SH3BGRL2: variants seen among roughly 807,000 people sequenced by gnomAD.
SH3BGRL2 encodes SH3 domain-binding glutamic acid-rich-like protein 2.
SH3BGRL2 carries 21 observed loss-of-function variants against 14.8 expected under a neutral mutation model. The ratio of observed to expected loss-of-function variants is 1.42; its 90% CI spans 1.01 to 2.05. SH3BGRL2 has a LOEUF of 2.05. SH3BGRL2 is among the 30% of genes most tolerant of loss of function. The pLI, the probability that SH3BGRL2 is intolerant of heterozygous loss-of-function variation, is 0.00. For missense variants in SH3BGRL2, 147 were observed against 130.8 expected (o/e 1.12, Z -0.61); for synonymous variants, 50 against 47.8 (o/e 1.05, Z -0.19).
At chr6:79,675,162 TAA>T (rs1769855573) in intron 2 of SH3BGRL2, among the ~76,000 whole-genome samples, 1 of 152,156 alleles carries the variant, frequency 6.6e-6, no homozygotes, top group African/African-American at 2.4e-5. Flanking sequence ...CTAGAAGGCT[TAA>T]AACAAAAATC....
chr6:79,662,867 A>G (rs1769581596), intron 1 of SH3BGRL2, among the ~76,000 whole-genome samples: 1 of 151,556 alleles, frequency 6.6e-6, no homozygotes, highest in African/African-American at 2.4e-5. Flanking sequence ...TTTTGTCTAA[A>G]CTTGTCTTCT....
At chr6:79,650,505 A>G (rs1769265620) in intron 1 of SH3BGRL2, among the ~76,000 whole-genome samples, 1 of 152,188 alleles carries the variant, frequency 6.6e-6, no homozygotes, top group Admixed American at 6.6e-5. Flanking sequence ...TTGTACAAGA[A>G]ACATGGCACC....
chr6:79,681,568 C>T (rs956789946), intron 2 of SH3BGRL2, among the ~76,000 whole-genome samples: 4 of 152,080 alleles, frequency 2.6e-5, no homozygotes, highest in East Asian at 3.9e-4. Flanking sequence ...GTCTCCTCTC[C>T]TCTTCATTCT....
the SH3BGRL2 span, among the ~76,000 whole-genome samples, chr6:79,616,926 GCCTGTA>G: frequency 3.9e-5 from 6 of 152,202 alleles, no homozygotes; most frequent in Non-Finnish European, 8.8e-5. Flanking sequence ...AGTGGCTCAT[GCCTGTA>G]ATCCCAGCAT....
chr6:79,538,591 CTG>C, the SH3BGRL2 span, among the ~76,000 whole-genome samples: 1 of 152,318 alleles, frequency 6.6e-6, no homozygotes, highest in South Asian at 2.1e-4. Context: ...TCTGCTGACA[CTG>C]TTAAAATAGC....
intron 2 of SH3BGRL2, among the ~76,000 whole-genome samples, chr6:79,674,088 A>G (rs200314403): frequency 1.4e-5 from 2 of 140,916 alleles, no homozygotes; most frequent in Non-Finnish European, 1.6e-5. Context: ...AGCTCTGTGT[A>G]TGTGTGTATG....
the SH3BGRL2 span, among the ~76,000 whole-genome samples, chr6:79,605,595 A>G: frequency 7.9e-5 from 12 of 152,206 alleles, no homozygotes; most frequent in African/African-American, 2.7e-4. Context: ...AATGAATTCA[A>G]TGAATGCCTA....
the SH3BGRL2 span, among the ~76,000 whole-genome samples, chr6:79,576,224 T>C: frequency 6.6e-6 from 1 of 152,188 alleles, no homozygotes; most frequent in South Asian, 2.1e-4. Flanking sequence ...CATCTCTTTG[T>C]TTAGGCATAA....
the SH3BGRL2 span, among the ~76,000 whole-genome samples, chr6:79,591,762 T>C: frequency 1.3e-5 from 2 of 152,194 alleles, no homozygotes; most frequent in Non-Finnish European, 2.9e-5. Context: ...AGATTTAATC[T>C]ATTTGAGCAG....
intron 1 of SH3BGRL2, among the ~76,000 whole-genome samples, chr6:79,667,196 T>G (rs1271734331): frequency 2.6e-5 from 4 of 152,228 alleles, no homozygotes; most frequent in Non-Finnish European, 5.9e-5. Context: ...TCACAAAGAA[T>G]TTATGTACAG....
the SH3BGRL2 span, among the ~76,000 whole-genome samples, chr6:79,580,818 A>G: frequency 6.6e-6 from 1 of 152,156 alleles, no homozygotes; most frequent in Non-Finnish European, 1.5e-5. Context: ...ACAGAGACAC[A>G]AAAAAACCTT....
intron 1 of SH3BGRL2, among the ~76,000 whole-genome samples, chr6:79,670,278 A>G (rs1437239873): frequency 6.6e-6 from 1 of 152,220 alleles, no homozygotes; most frequent in African/African-American, 2.4e-5. Flanking sequence ...GCCTTGGGCC[A>G]TATTTTGCCT....
At chr6:79,631,628 C>A in intron 1 of SH3BGRL2, 122 bp downstream of exon 1, 5 of 565,090 alleles carry the variant, frequency 8.8e-6, no homozygotes, top group South Asian at 6.8e-5. Context: ...AGCCCGCGCC[C>A]GGCAGGTGAT....
chr6:79,605,269 C>T, the SH3BGRL2 span, among the ~76,000 whole-genome samples: 1 of 152,180 alleles, frequency 6.6e-6, no homozygotes, highest in African/African-American at 2.4e-5. Flanking sequence ...GTGAGCCCAG[C>T]CTGCAGCCCA....
intron 1 of SH3BGRL2, among the ~76,000 whole-genome samples, chr6:79,643,394 G>A (rs1448497973): frequency 6.6e-6 from 1 of 152,120 alleles, no homozygotes; most frequent in Non-Finnish European, 1.5e-5. Flanking sequence ...CTGTAATAAA[G>A]AGAGGGAATT....
rs1207587085 is a variant in SH3BGRL2 at position 79,701,252 on chromosome 6, GA to G, written c.*1745del. On this transcript the variant is annotated 3_prime_UTR_variant, in exon 4 of 4. Transcript: ENST00000369838. ...TTGACAAATCCCAGGGACTATCCAGGAATTTTTTTTTAACTGGATATTGTGT... is the reference window on the plus strand; with the variant it reads ...TTGACAAATCCCAGGGACTATCCAGGATTTTTTTTTAACTGGATATTGTGT... The G allele has an allele frequency of 6.6e-6, 1 of 152,066 alleles. No homozygotes were observed. Among genetic ancestry groups the G allele is most frequent in the African/African-American group, 2.4e-5 (1 of 41,400 alleles). 9.4% of individuals were successfully genotyped at this position (152,066 alleles called of 1,614,324 possible).
chr6:79,586,078 C>T, the SH3BGRL2 span, among the ~76,000 whole-genome samples: 6 of 151,920 alleles, frequency 3.9e-5, no homozygotes, highest in Non-Finnish European at 8.8e-5. Context: ...TGCCTGTAAT[C>T]CCAGCTACTC....
At chr6:79,598,441 T>C in the SH3BGRL2 span, among the ~76,000 whole-genome samples, 1 of 152,308 alleles carries the variant, frequency 6.6e-6, no homozygotes, top group African/African-American at 2.4e-5. Context: ...AAGAAGGAAG[T>C]ACTGGTATGC....
the SH3BGRL2 span, among the ~76,000 whole-genome samples, chr6:79,623,292 A>G: frequency 8.9e-6 from 1 of 112,030 alleles, no homozygotes. Flanking sequence ...ATACAGTGAG[A>G]CTCTGCCTCA....
Sources: gnomAD v4.1 joint callset for allele counts (sites outside exome capture counted in the v4.1 genomes callset) on GRCh38, gnomAD v4.1.1 for gene constraint, MANE v1.5 for transcripts, NCBI Gene and HGNC (gene_info 2026-07-23, HGNC 2026-07-21) for gene names.